The following LINGO2 variants were observed in gnomAD, a reference collection of about 807,000 sequenced individuals.
LINGO2 encodes the protein leucine-rich repeat and immunoglobulin-like domain-containing nogo receptor-interacting protein 2.
A neutral mutation model predicts 30.6 loss-of-function variants in LINGO2; 14 were observed. That is an observed-to-expected ratio of 0.46 (90% CI 0.30 to 0.72). The LOEUF is 0.72. Among genes scored for constraint, LINGO2 ranks in the 30% least tolerant of loss-of-function variants. The pLI, the probability that LINGO2 is intolerant of heterozygous loss-of-function variation, is 0.07. For missense variants in LINGO2, 729 were observed against 751.7 expected (o/e 0.97, Z 0.35); for synonymous variants, 317 against 288.5 (o/e 1.10, Z -1.00).
At chr9:28,424,027 T>C (rs547712006) in intron 2 of LINGO2, among the ~76,000 whole-genome samples, 32 of 152,200 alleles carry the variant, frequency 2.1e-4, no homozygotes, top group African/African-American at 6.7e-4. Flanking sequence ...TTAAGACTGG[T>C]ATTATGGGCT....
intron 4 of LINGO2, among the ~76,000 whole-genome samples, chr9:28,207,480 A>G (rs1345776104): frequency 1.3e-5 from 2 of 152,142 alleles, no homozygotes; most frequent in African/African-American, 2.4e-5. Context: ...TTCATTTCTT[A>G]CAATGAGAAG....
the LINGO2 span, among the ~76,000 whole-genome samples, chr9:28,982,652 C>A: frequency 6.6e-6 from 1 of 151,632 alleles, no homozygotes; most frequent in African/African-American, 2.4e-5. Flanking sequence ...AAAGCTTTCA[C>A]AATAAATATA....
the LINGO2 span, among the ~76,000 whole-genome samples, chr9:28,730,351 C>T: frequency 6.6e-6 from 1 of 152,166 alleles, no homozygotes; most frequent in African/African-American, 2.4e-5. Flanking sequence ...AAAATCCTCA[C>T]TGCTCTCTGG....
chr9:28,730,443 A>T, the LINGO2 span, among the ~76,000 whole-genome samples: 1 of 152,216 alleles, frequency 6.6e-6, no homozygotes, highest in Non-Finnish European at 1.5e-5. Context: ...GTCCTGATCA[A>T]AATTTAAAAC....
At chr9:28,361,934 T>C (rs72711411) in intron 3 of LINGO2, among the ~76,000 whole-genome samples, 1,846 of 152,288 alleles carry the variant, frequency 0.012, 31 homozygotes, top group Admixed American at 0.034. Context: ...ATAGTAACTG[T>C]TTCTGCTTTG....
chr9:28,826,388 C>G, the LINGO2 span, among the ~76,000 whole-genome samples: 2 of 152,122 alleles, frequency 1.3e-5, no homozygotes, highest in Non-Finnish European at 1.5e-5. Flanking sequence ...TATGATGAAT[C>G]CTTTCCACAG....
At chr9:28,182,759 C>T (rs933148492) in intron 4 of LINGO2, among the ~76,000 whole-genome samples, 2 of 152,114 alleles carry the variant, frequency 1.3e-5, no homozygotes, top group African/African-American at 4.8e-5. Context: ...AAATGAGATA[C>T]CATTCTCAAG....
the LINGO2 span, among the ~76,000 whole-genome samples, chr9:28,788,719 A>G: frequency 6.6e-6 from 1 of 152,118 alleles, no homozygotes; most frequent in East Asian, 1.9e-4. Flanking sequence ...GCCCCTTGTA[A>G]AACCATCAAT....
intron 4 of LINGO2, among the ~76,000 whole-genome samples, chr9:28,027,630 C>A (rs977401534): frequency 6.6e-6 from 1 of 151,946 alleles, no homozygotes; most frequent in Non-Finnish European, 1.5e-5. Flanking sequence ...GCAAGTTACT[C>A]AACCTTTCTG....
chr9:28,341,710 A>T (rs1202399808), intron 3 of LINGO2, among the ~76,000 whole-genome samples: 1 of 152,168 alleles, frequency 6.6e-6, no homozygotes, highest in African/African-American at 2.4e-5. Flanking sequence ...CCACTGTGAG[A>T]ACCATATAGC....
the LINGO2 span, among the ~76,000 whole-genome samples, chr9:29,206,554 A>G: frequency 5.9e-5 from 9 of 152,142 alleles, no homozygotes; most frequent in African/African-American, 2.2e-4. Flanking sequence ...CTCTCAGCCC[A>G]GTTTCCTCCC....
intron 1 of LINGO2, among the ~76,000 whole-genome samples, chr9:28,579,227 T>C (rs1217099674): frequency 1.3e-5 from 2 of 152,110 alleles, no homozygotes; most frequent in Non-Finnish European, 2.9e-5. Context: ...TCTTTTCCCT[T>C]ATTCTAGGCC....
chr9:28,559,750 A>G (rs937766608), intron 1 of LINGO2, among the ~76,000 whole-genome samples: 9 of 151,982 alleles, frequency 5.9e-5, no homozygotes, highest in Non-Finnish European at 1.5e-5. Flanking sequence ...GTTCTGTACA[A>G]GATTGTCCTT....
intron 2 of LINGO2, among the ~76,000 whole-genome samples, chr9:28,374,690 T>C (rs2134591140): frequency 6.6e-6 from 1 of 152,230 alleles, no homozygotes; most frequent in African/African-American, 2.4e-5. Flanking sequence ...GATAAGCAAC[T>C]ACTGATCACC....
the LINGO2 span, among the ~76,000 whole-genome samples, chr9:28,850,963 T>C: frequency 6.6e-6 from 1 of 152,030 alleles, no homozygotes; most frequent in Admixed American, 6.6e-5. Flanking sequence ...ATGGCGTATA[T>C]GTGTTTACTT....
At chr9:28,570,474 T>TA (rs965794754) in intron 1 of LINGO2, among the ~76,000 whole-genome samples, 1 of 151,914 alleles carries the variant, frequency 6.6e-6, no homozygotes, top group Non-Finnish European at 1.5e-5. Context: ...GTCTATGCGA[T>TA]AAAAAAATTT....
At chr9:28,468,831 T>C (rs1825412090) in intron 2 of LINGO2, among the ~76,000 whole-genome samples, 2 of 152,276 alleles carry the variant, frequency 1.3e-5, no homozygotes, top group African/African-American at 2.4e-5. Flanking sequence ...ACAGAGCCAG[T>C]GTGCAAAAAC....
At chr9:29,023,873 C>T in the LINGO2 span, among the ~76,000 whole-genome samples, 2 of 152,074 alleles carry the variant, frequency 1.3e-5, no homozygotes, top group African/African-American at 4.8e-5. Context: ...AAGAAAGCTG[C>T]TTGGATCCTT....
chr9:28,136,877 G>T (rs1036054312), intron 4 of LINGO2, among the ~76,000 whole-genome samples: 2 of 152,158 alleles, frequency 1.3e-5, no homozygotes, highest in African/African-American at 4.8e-5. Context: ...CCCAGTGTGG[G>T]TGGCCCTCAT....
Sources: gnomAD v4.1 joint callset for allele counts (sites outside exome capture counted in the v4.1 genomes callset) on GRCh38, gnomAD v4.1.1 for gene constraint, MANE v1.5 for transcripts, NCBI Gene and HGNC (gene_info 2026-07-23, HGNC 2026-07-21) for gene names.